NPC1: variants seen among roughly 807,000 people sequenced by gnomAD.
NPC1 encodes the protein NPC intracellular cholesterol transporter 1.
A neutral mutation model predicts 140.4 loss-of-function variants in NPC1; 85 were observed. The observed-to-expected ratio is 0.61, with a 90% CI of 0.51 to 0.72. NPC1 has a LOEUF of 0.72. NPC1 is among the 30% of genes least tolerant of loss of function. The pLI is 0.00. For synonymous variants in NPC1, 656 were observed against 624.8 expected, an observed-to-expected ratio of 1.05 and a Z score of -0.74; for missense variants, 1,504 against 1,623.8, an observed-to-expected ratio of 0.93 and a Z score of 1.27.
At chr18:23,558,023 T>C (rs1321343826) in intron 6 of NPC1, among the ~76,000 whole-genome samples, 1 of 152,166 alleles carries the variant, frequency 6.6e-6, no homozygotes, top group Admixed American at 6.5e-5. Flanking sequence ...AAGTCCATGA[T>C]GTAAATAACT....
At chr18:23,512,953 A>C (rs1388524375) in intron 3 of NPC1, among the ~76,000 whole-genome samples, 1 of 151,604 alleles carries the variant, frequency 6.6e-6, no homozygotes, top group Non-Finnish European at 1.5e-5. Flanking sequence ...GTTTCTATGA[A>C]TTTGACTCCT....
Position 23,544,375 on chromosome 18 carries a change from T to TC in NPC1, c.2098dup (p.Asp700GlyfsTer14). On this transcript the variant is annotated frameshift_variant, in exon 13 of 25. Transcript: ENST00000269228. LOFTEE classifies it high-confidence loss of function. Reference sequence around the variant, plus strand: ...GGCCTGCACCAGAATGAAGATGTTGTCCACTCCAACAGCCAGCACCAGGAA... The same window carrying TC: ...GGCCTGCACCAGAATGAAGATGTTGTCCCACTCCAACAGCCAGCACCAGGAA... 6.2e-7 allele frequency: 1 copy of TC among 1,614,104 alleles called. No individual in the cohort carries two copies. Among genetic ancestry groups the TC allele is most frequent in the Middle Eastern group, 1.6e-4 (1 of 6,062 alleles).
intron 10 of NPC1, among the ~76,000 whole-genome samples, chr18:23,548,939 A>C (rs2058828317): frequency 6.6e-6 from 1 of 151,908 alleles, no homozygotes; most frequent in Admixed American, 6.6e-5. Flanking sequence ...AAAGGTGTGC[A>C]CCACCATTGC....
chr18:23,552,358 G>T (rs1053714509), intron 9 of NPC1, among the ~76,000 whole-genome samples: 5 of 152,186 alleles, frequency 3.3e-5, no homozygotes, highest in Non-Finnish European at 5.9e-5. Context: ...CCCACCAAGG[G>T]GGCTCCTGAA....
chr18:23,580,916 G>A (rs1342256088), intron 1 of NPC1, among the ~76,000 whole-genome samples: 1 of 152,266 alleles, frequency 6.6e-6, no homozygotes, highest in Non-Finnish European at 1.5e-5. Context: ...ATCTCTGGAA[G>A]TGTTTTATAG....
intron 1 of NPC1, among the ~76,000 whole-genome samples, chr18:23,582,773 C>T (rs2059371199): frequency 1.3e-5 from 2 of 149,640 alleles, no homozygotes; most frequent in Admixed American, 6.7e-5. Context: ...CCACTGCGCT[C>T]CAGCCTGGGC....
chr18:23,585,508 C>T (rs895448297), intron 1 of NPC1, among the ~76,000 whole-genome samples: 1 of 152,196 alleles, frequency 6.6e-6, no homozygotes, highest in African/African-American at 2.4e-5. Context: ...GGACACAATT[C>T]CCCGGAGGCA....
Position 23,556,594 on chromosome 18 carries a change from G to GTC in NPC1, c.973_974dup (p.Asp325GlufsTer12), listed in dbSNP as rs886044580. The stretch of plus-strand genomic sequence containing the variant: ...AGCCCTCAAATGCTGCGCTGACAGG[G>GTC]TCACAGCAGGACGCCTCTCCTGGAA... On this transcript the variant is annotated frameshift_variant, in exon 8 of 25. Transcript: ENST00000269228. LOFTEE classifies it high-confidence loss of function. 1.2e-6 allele frequency: 2 copies of GTC among 1,614,106 alleles called. No homozygotes were observed. Among genetic ancestry groups the GTC allele is most frequent in the Non-Finnish European group, 1.7e-6 (2 of 1,180,004 alleles).
intron 4 of NPC1, among the ~76,000 whole-genome samples, chr18:23,562,545 G>A (rs929678918): frequency 6.6e-6 from 1 of 152,078 alleles, no homozygotes; most frequent in South Asian, 2.1e-4. Context: ...GTTCTGGAAA[G>A]ACAGGTTAAC....
downstream of NPC1, chr18:23,531,344 G>T: frequency 2.6e-6 from 1 of 379,070 alleles, no homozygotes; most frequent in Non-Finnish European, 4.5e-6. Context: ...TCATCTTTAG[G>T]ATAGGGAAGG....
At chr18:23,546,437 C>T (rs2058791323) in intron 11 of NPC1, among the ~76,000 whole-genome samples, 1 of 152,088 alleles carries the variant, frequency 6.6e-6, no homozygotes, top group South Asian at 2.1e-4. Context: ...AGCGCTATAG[C>T]CACTTTGGAA....
intron 11 of NPC1, among the ~76,000 whole-genome samples, chr18:23,546,248 CAAAAAAAAAAAAAAAAAAA>C (rs60021403): frequency 1.3e-4 from 6 of 45,548 alleles, no homozygotes; most frequent in Non-Finnish European, 2.1e-4. Flanking sequence ...GACTCTGTCT[CAAAAAAAAAAAAAAAAAAA>C]AAAAAAAAAA....
At chr18:23,569,070 A>G in intron 3 of NPC1, 72 bp from the exon 4 acceptor site, 1 of 1,049,694 alleles carries the variant, frequency 9.5e-7, no homozygotes, top group Non-Finnish European at 1.5e-6. Flanking sequence ...TTTTAAATAG[A>G]CAAAGAATAT....
downstream of NPC1, chr18:23,527,996 T>G: frequency 2.0e-6 from 2 of 1,025,602 alleles, no homozygotes; most frequent in African/African-American, 1.6e-5. Flanking sequence ...TCCTATATAT[T>G]AGAATAAGGT....
intron 14 of NPC1, among the ~76,000 whole-genome samples, chr18:23,541,649 CA>C (rs1439204638): frequency 5.9e-5 from 9 of 152,198 alleles, no homozygotes; most frequent in Non-Finnish European, 5.9e-5. Context: ...TGGGAAGCCC[CA>C]TCCTAGTTAT....
In NPC1 at chr18:23,533,620, C is replaced by A. The variant is rs1035933500; in HGVS notation, c.3592-103G>T. On this transcript the variant is annotated intron_variant, in intron 23 of 24. Transcript: ENST00000269228. ...CTCCCAGGTTCAAGTGATTCTCCTG[C>A]CCCAGCCTCCTGAGTAGCTGGGATT... is the stretch of plus-strand genomic sequence containing the variant. 15 of 1,148,286 alleles carry A rather than the reference C, an allele frequency of 1.3e-5. No individual in the cohort carries two copies. In the Admixed American group the frequency reaches 2.4e-4, roughly 18 times the overall value. 71.1% of individuals were successfully genotyped at this position (1,148,286 alleles called of 1,614,324 possible).
chr18:23,545,508 C>T (rs551371914), intron 11 of NPC1, among the ~76,000 whole-genome samples: 37 of 152,268 alleles, frequency 2.4e-4, no homozygotes, highest in Admixed American at 1.2e-3. Context: ...CTCCCCAAAG[C>T]GCTGGGATTA....
In NPC1 at chr18:23,556,251, G is replaced by C; in HGVS notation, c.1318C>G (p.Leu440Val). The part of the protein sequence containing the change: ...PFGPPLDIQI[L>V]HQVLDLQIAI... Reference sequence around the variant, plus strand: ...TTCAAACAGCAGGTTACCTGGTGCAGTATCTGTATGTCAAGCGGAGGTCCA... The same window carrying C: ...TTCAAACAGCAGGTTACCTGGTGCACTATCTGTATGTCAAGCGGAGGTCCA... The change falls in exon 8 of 25, where the codon CTG becomes GTG. Residue 440 changes from leucine to valine, a missense_variant. Physicochemically the swap from Leu to Val is conservative, Grantham distance 32. Coordinates refer to ENST00000269228, the MANE Select transcript of NPC1 (RefSeq NM_000271.5). The C allele has an allele frequency of 6.2e-7, 1 of 1,614,018 alleles. No homozygotes were observed.
rs767794928 is a variant in NPC1, at chr18:23,544,969, G to A, written c.1938C>T (p.Arg646=). The change falls in exon 12 of 25, where the codon CGC becomes CGT. Residue 646 remains arginine, a synonymous_variant. Coordinates refer to ENST00000269228, the MANE Select transcript of NPC1 (RefSeq NM_000271.5). The part of the protein sequence containing the change: ...SLALGHMKSC[R]RLLVDSKVSL... ...CCCCCCCCCGGCTTACCAGAAGCCT[G>A]CGACAGCTTTTCATGTGCCCCAAGG... The A allele has an allele frequency of 1.4e-5, 22 of 1,518,078 alleles. No homozygotes were observed. The Admixed American group carries it at 1.8e-4, about 13-fold the overall frequency. The allele number at this position is 1,518,078 out of a possible 1,614,324, so 94.0% of individuals were successfully genotyped here.
Sources: gnomAD v4.1 joint callset for allele counts (sites outside exome capture counted in the v4.1 genomes callset) on GRCh38, gnomAD v4.1.1 for gene constraint, MANE v1.5 for transcripts, NCBI Gene and HGNC (gene_info 2026-07-23, HGNC 2026-07-21) for gene names.